KLHL32: variants seen among roughly 807,000 people sequenced by gnomAD.
KLHL32 encodes kelch-like protein 32.
Under a neutral mutation model 64.8 loss-of-function variants are expected in KLHL32, and 35 were observed. The ratio of observed to expected loss-of-function variants is 0.54; its 90% confidence interval spans 0.41 to 0.72. The LOEUF is 0.72. Among genes scored for constraint, KLHL32 ranks in the 30% least tolerant of loss-of-function variants. KLHL32 has a pLI of 0.00. For synonymous variants in KLHL32, 259 were observed against 281.0 expected, an observed-to-expected ratio of 0.92 and a Z score of 0.78; for missense variants, 589 against 768.5, an observed-to-expected ratio of 0.77 and a Z score of 2.76.
intron 1 of KLHL32, among the ~76,000 whole-genome samples, chr6:96,939,161 A>C (rs544546094): frequency 3.9e-5 from 6 of 152,324 alleles, no homozygotes; most frequent in African/African-American, 1.4e-4. Context: ...TTGCAGGATG[A>C]AAGTTAGAAA....
intron 7 of KLHL32, among the ~76,000 whole-genome samples, chr6:97,122,253 T>G (rs1035563247): frequency 2.0e-5 from 3 of 152,214 alleles, no homozygotes; most frequent in Non-Finnish European, 4.4e-5. Flanking sequence ...TTTTGTAAAT[T>G]AGAGACTTTG....
At chr6:97,036,613 T>A (rs2128122373) in intron 3 of KLHL32, among the ~76,000 whole-genome samples, 1 of 152,284 alleles carries the variant, frequency 6.6e-6, no homozygotes, top group South Asian at 2.1e-4. Context: ...ATGGGTGGGC[T>A]GTGTGGTAGT....
At chr6:97,027,945 C>T (rs1782977144) in intron 3 of KLHL32, among the ~76,000 whole-genome samples, 1 of 152,160 alleles carries the variant, frequency 6.6e-6, no homozygotes, top group African/African-American at 2.4e-5. Context: ...TTGACCTTCT[C>T]CTATGACCAA....
intron 3 of KLHL32, among the ~76,000 whole-genome samples, chr6:96,983,437 A>G (rs1331670548): frequency 2.6e-5 from 4 of 152,284 alleles, no homozygotes; most frequent in Non-Finnish European, 4.4e-5. Flanking sequence ...ATTGATTGGA[A>G]TAGTTTTAGA....
At chr6:96,942,647 G>A (rs1771432042) in intron 1 of KLHL32, among the ~76,000 whole-genome samples, 1 of 131,524 alleles carries the variant, frequency 7.6e-6, no homozygotes, top group Non-Finnish European at 1.6e-5. Context: ...ACTTGCTACA[G>A]CTGTGGGGTG....
intron 3 of KLHL32, among the ~76,000 whole-genome samples, chr6:97,013,546 A>T (rs536356616): frequency 6.6e-6 from 1 of 152,212 alleles, no homozygotes. Flanking sequence ...CCACATACAT[A>T]CACAGACACA....
chr6:96,923,215 G>A (rs190694046), upstream of KLHL32, among the ~76,000 whole-genome samples: 126 of 152,200 alleles, frequency 8.3e-4, no homozygotes, highest in African/African-American at 2.9e-3. Context: ...AATATAGATG[G>A]GCTTAAAATT....
chr6:97,119,399 G>A (rs566831761), intron 7 of KLHL32, among the ~76,000 whole-genome samples: 2 of 152,186 alleles, frequency 1.3e-5, no homozygotes, highest in African/African-American at 4.8e-5. Context: ...GAGGCAGAGA[G>A]TGTGACAAGA....
chr6:96,913,972 A>G, the KLHL32 span, among the ~76,000 whole-genome samples: 1 of 152,320 alleles, frequency 6.6e-6, no homozygotes, highest in Admixed American at 6.5e-5. Context: ...GTTATCCTGG[A>G]TTATCCAGGG....
At chr6:96,910,757 T>C in the KLHL32 span, among the ~76,000 whole-genome samples, 3 of 152,186 alleles carry the variant, frequency 2.0e-5, no homozygotes, top group Non-Finnish European at 4.4e-5. Flanking sequence ...AATAAGAATA[T>C]GATTTTAATC....
At chr6:97,061,861 A>G (rs998858247) in intron 4 of KLHL32, among the ~76,000 whole-genome samples, 2 of 152,196 alleles carry the variant, frequency 1.3e-5, no homozygotes, top group East Asian at 3.9e-4. Flanking sequence ...CTGGAAAAAT[A>G]TATTCGAACA....
At chr6:96,898,318 A>G in the KLHL32 span, among the ~76,000 whole-genome samples, 8 of 152,194 alleles carry the variant, frequency 5.3e-5, no homozygotes, top group Non-Finnish European at 7.4e-5. Flanking sequence ...GAACTTACTG[A>G]ACCAGGGTCA....
chr6:97,091,248 C>T (rs1391152741), intron 6 of KLHL32, among the ~76,000 whole-genome samples: 2 of 152,174 alleles, frequency 1.3e-5, no homozygotes, highest in Non-Finnish European at 2.9e-5. Flanking sequence ...GAAAAAAGAG[C>T]ATGACCATTC....
At chr6:96,941,435 T>C (rs547315697) in intron 1 of KLHL32, among the ~76,000 whole-genome samples, 1 of 152,332 alleles carries the variant, frequency 6.6e-6, no homozygotes, top group South Asian at 2.1e-4. Context: ...AAACCTGTTG[T>C]TATTCCCATT....
intron 1 of KLHL32, among the ~76,000 whole-genome samples, chr6:96,939,585 A>C (rs1771029890): frequency 6.6e-6 from 1 of 152,180 alleles, no homozygotes; most frequent in South Asian, 2.1e-4. Context: ...GGCAAAATGG[A>C]GAGATTGGAG....
Position 97,137,596 on chromosome 6 carries a change from G to A in KLHL32, c.1702-1525G>A, listed in dbSNP as rs560622996. ...GTCGCCCAGGCTGGAGTGCAGTGGC[G>A]CGATCTTGGCTCACTGCAAGCTCTG... On this transcript the variant is annotated intron_variant, in intron 10 of 10. Transcript: ENST00000369261. Among the ~76,000 whole-genome samples, 12 of 152,048 alleles carry A rather than the reference G, an allele frequency of 7.9e-5. No homozygotes were observed. The South Asian group carries it at 2.5e-3, about 32-fold the overall frequency.
Position 97,113,864 on chromosome 6 carries a change from G to T in KLHL32, c.709G>T (p.Asp237Tyr). 1 of 1,614,092 alleles carries T rather than the reference G, an allele frequency of 6.2e-7. No homozygotes were observed. Among genetic ancestry groups the T allele is most frequent in the Non-Finnish European group, 8.5e-7 (1 of 1,180,016 alleles). The change falls in exon 7 of 11, where the codon GAT becomes TAT. Residue 237 changes from aspartate to tyrosine, a missense_variant. Asp to Tyr is a radical substitution (Grantham distance 160). Coordinates refer to ENST00000369261, the MANE Select transcript of KLHL32 (RefSeq NM_052904.4). Reference sequence around the variant, plus strand: ...GCAATACATCCGCTTTGGCCTAATGGATGTGGATACTCTCCATACAGTTGC... The same window carrying T: ...GCAATACATCCGCTTTGGCCTAATGTATGTGGATACTCTCCATACAGTTGC... Reference protein sequence around the residue: ...LLQYIRFGLMDVDTLHTVALS... With the variant: ...LLQYIRFGLMYVDTLHTVALS...
At chr6:97,000,208 A>G (rs1363853123) in intron 3 of KLHL32, among the ~76,000 whole-genome samples, 3 of 152,200 alleles carry the variant, frequency 2.0e-5, no homozygotes, top group Non-Finnish European at 4.4e-5. Context: ...AAGTGGTACT[A>G]TTAGAGAGTT....
intron 3 of KLHL32, among the ~76,000 whole-genome samples, chr6:96,986,215 C>T (rs572184622): frequency 5.9e-5 from 9 of 152,274 alleles, no homozygotes; most frequent in South Asian, 4.2e-4. Context: ...ATGTTGCTGC[C>T]GGATCGTTCC....
Sources: gnomAD v4.1 joint callset for allele counts (sites outside exome capture counted in the v4.1 genomes callset) on GRCh38, gnomAD v4.1.1 for gene constraint, MANE v1.5 for transcripts, NCBI Gene and HGNC (gene_info 2026-07-23, HGNC 2026-07-21) for gene names.